Variants in PITPNC1 observed in about 807,000 individuals in gnomAD.
PITPNC1 encodes the protein phosphatidylinositol transfer protein cytoplasmic 1.
PITPNC1 carries 18 observed loss-of-function variants against 44.7 expected under a neutral mutation model. The ratio of observed to expected loss-of-function variants is 0.40; its 90% CI spans 0.28 to 0.60. PITPNC1 has a LOEUF of 0.60. PITPNC1 is among the 20% of genes least tolerant of loss of function. The pLI, the probability that PITPNC1 is intolerant of heterozygous loss-of-function variation, is 0.39. For missense variants in PITPNC1, 290 were observed against 418.4 expected (o/e 0.69, Z 2.68); for synonymous variants, 141 against 149.6 (o/e 0.94, Z 0.42).
At chr17:67,638,330 A>T (rs1361366973) in intron 6 of PITPNC1, 2 of 152,186 alleles carry the variant, frequency 1.3e-5, no homozygotes, top group Non-Finnish European at 2.9e-5. Flanking sequence ...GAGAGATCTA[A>T]CCCAGAGGCC....
At position 67,641,654 on chromosome 17, in the gene PITPNC1, G is replaced by A. The variant is rs189101898; in HGVS notation, c.462+9416G>A. On this transcript the variant is annotated intron_variant, in intron 6 of 8. Transcript: ENST00000581322. ...TCTATAAAAAATACAAAAATTAGCC[G>A]GGTGTGATGGCACATGCCTGGAGTA... Among the ~76,000 whole-genome samples the A allele has an allele frequency of 3.3e-5, 5 of 152,024 alleles. No individual in the cohort carries two copies. The East Asian group carries it at 5.8e-4, about 18-fold the overall frequency.
At chr17:67,598,748 C>G (rs2041492551) in intron 5 of PITPNC1, among the ~76,000 whole-genome samples, 1 of 151,686 alleles carries the variant, frequency 6.6e-6, no homozygotes, top group Non-Finnish European at 1.5e-5. Flanking sequence ...AAAAAATTAG[C>G]TGGGCATGGT....
At chr17:67,536,429 G>T (rs866305495) in intron 2 of PITPNC1, among the ~76,000 whole-genome samples, 6 of 152,116 alleles carry the variant, frequency 3.9e-5, no homozygotes, top group African/African-American at 1.2e-4. Flanking sequence ...GTTTCACCAT[G>T]TTGGCCAGGC....
At chr17:67,682,957 C>T (rs1337382766) in intron 8 of PITPNC1, among the ~76,000 whole-genome samples, 6 of 151,790 alleles carry the variant, frequency 4.0e-5, no homozygotes, top group African/African-American at 9.7e-5. Context: ...GTCAGGAGTT[C>T]GCGACCAGCC....
At chr17:67,514,964 A>C (rs1338705946) in intron 1 of PITPNC1, among the ~76,000 whole-genome samples, 1 of 152,224 alleles carries the variant, frequency 6.6e-6, no homozygotes, top group African/African-American at 2.4e-5. Flanking sequence ...CTATGTTATG[A>C]TCATGTTGAA....
At chr17:67,549,917 G>C (rs2099137253) in intron 2 of PITPNC1, among the ~76,000 whole-genome samples, 1 of 152,138 alleles carries the variant, frequency 6.6e-6, no homozygotes, top group Non-Finnish European at 1.5e-5. Flanking sequence ...CCTGCAACCA[G>C]AATCCACATC....
chr17:67,457,996 T>C (rs904344279), intron 1 of PITPNC1, among the ~76,000 whole-genome samples: 16 of 152,264 alleles, frequency 1.1e-4, no homozygotes, highest in African/African-American at 3.8e-4. Flanking sequence ...TGGCAGAATA[T>C]GACAGGGGTA....
rs143731381 is a variant in PITPNC1, at chr17:67,653,405, A to G, written c.463-16103A>G. ...TACATGCCAAGGAACGCCCAGGGGAAAGGCATGAAACAGATTCCTCCTCAC... is the reference window on the plus strand; with the variant it reads ...TACATGCCAAGGAACGCCCAGGGGAGAGGCATGAAACAGATTCCTCCTCAC... On this transcript the variant is annotated intron_variant, in intron 6 of 8. Coordinates refer to ENST00000581322, the MANE Select transcript of PITPNC1 (RefSeq NM_012417.4). Among the ~76,000 whole-genome samples the G allele has an allele frequency of 1.3e-3, 193 of 152,318 alleles. 1 individual carries two copies. Among genetic ancestry groups the G allele is most frequent in the African/African-American group, 4.5e-3 (189 of 41,570 alleles).
chr17:67,442,386 C>T (rs191471205), intron 1 of PITPNC1, among the ~76,000 whole-genome samples: 10 of 151,098 alleles, frequency 6.6e-5, no homozygotes, highest in African/African-American at 2.4e-4. Context: ...CGTAAGCCCG[C>T]CCAGTGGATG....
At chr17:67,394,052 C>G (rs1344210429) in intron 1 of PITPNC1, among the ~76,000 whole-genome samples, 2 of 152,112 alleles carry the variant, frequency 1.3e-5, no homozygotes, top group Non-Finnish European at 2.9e-5. Context: ...ATTGACCAGG[C>G]TGTTCTCAAA....
At chr17:67,433,193 G>T (rs2038881480) in intron 1 of PITPNC1, among the ~76,000 whole-genome samples, 1 of 152,188 alleles carries the variant, frequency 6.6e-6, no homozygotes, top group African/African-American at 2.4e-5. Context: ...TAGTTTTCCT[G>T]TCTCCTGGCA....
chr17:67,407,816 A>C (rs2038423800), intron 1 of PITPNC1, among the ~76,000 whole-genome samples: 1 of 152,160 alleles, frequency 6.6e-6, no homozygotes, highest in Non-Finnish European at 1.5e-5. Context: ...AGAAAAACAA[A>C]AAAAACTAAA....
chr17:67,386,557 G>A (rs2038057115), intron 1 of PITPNC1, among the ~76,000 whole-genome samples: 1 of 152,204 alleles, frequency 6.6e-6, no homozygotes, highest in African/African-American at 2.4e-5. Context: ...CTAGGGATGT[G>A]TAGGTATGAG....
At position 67,549,203 on chromosome 17, in the gene PITPNC1, C is replaced by T. The variant is rs2040724349; in HGVS notation, c.198-3054C>T. Reference sequence around the variant, plus strand: ...GCGCGGTGGTTCATGCCAGTAATCCCAGCACTTTAGGAGGCCGAGGCGGGC... The same window carrying T: ...GCGCGGTGGTTCATGCCAGTAATCCTAGCACTTTAGGAGGCCGAGGCGGGC... On this transcript the variant is annotated intron_variant, in intron 2 of 8. Transcript: ENST00000581322. 1.3e-5 allele frequency among the ~76,000 whole-genome samples: 2 copies of T among 152,050 alleles called. 1 individual carries two copies. Among genetic ancestry groups the T allele is most frequent in the South Asian group, 4.2e-4 (2 of 4,816 alleles).
chr17:67,441,116 A>C (rs181836699), intron 1 of PITPNC1, among the ~76,000 whole-genome samples: 1 of 152,284 alleles, frequency 6.6e-6, no homozygotes, highest in Admixed American at 6.5e-5. Context: ...ACACTCAAAC[A>C]TCCGCTCAAC....
At chr17:67,527,544 A>T (rs2040406007) in intron 1 of PITPNC1, among the ~76,000 whole-genome samples, 1 of 152,126 alleles carries the variant, frequency 6.6e-6, no homozygotes, top group African/African-American at 2.4e-5. Context: ...CTCTACTAAA[A>T]ATACAAAAAT....
intron 1 of PITPNC1, among the ~76,000 whole-genome samples, chr17:67,483,388 T>C (rs1173788011): frequency 6.6e-6 from 1 of 152,206 alleles, no homozygotes; most frequent in African/African-American, 2.4e-5. Context: ...TTTTAATTTG[T>C]TTTTATTGGT....
At chr17:67,630,466 A>C (rs1398997998) in intron 5 of PITPNC1, among the ~76,000 whole-genome samples, 1 of 151,936 alleles carries the variant, frequency 6.6e-6, no homozygotes, top group Non-Finnish European at 1.5e-5. Context: ...TAAAAATACA[A>C]AAATTGGCCG....
chr17:67,513,489 G>GTGTGTGTATATATATA (rs772483698), intron 1 of PITPNC1, among the ~76,000 whole-genome samples: 2 of 138,670 alleles, frequency 1.4e-5, no homozygotes, highest in African/African-American at 5.4e-5. Context: ...GTGTGTGTGT[G>GTGTGTGTATATATATA]TATATATATA....
Sources: gnomAD v4.1 joint callset for allele counts (sites outside exome capture counted in the v4.1 genomes callset) on GRCh38, gnomAD v4.1.1 for gene constraint, MANE v1.5 for transcripts, NCBI Gene and HGNC (gene_info 2026-07-23, HGNC 2026-07-21) for gene names.